The following GRIA2 variants were observed in gnomAD, a reference collection of about 807,000 sequenced individuals.
GRIA2 encodes the protein glutamate receptor 2.
Under a neutral mutation model 97.3 loss-of-function variants are expected in GRIA2, and 14 were observed. That is an observed-to-expected ratio of 0.14 (90% confidence interval 0.10 to 0.23). The LOEUF is 0.23. Ranked by LOEUF, GRIA2 falls within the 10% of genes least tolerant of loss-of-function variation. The pLI, the probability that GRIA2 is intolerant of heterozygous loss-of-function variation, is 1.00. For synonymous variants in GRIA2, 412 were observed against 387.8 expected, an observed-to-expected ratio of 1.06 and a Z score of -0.73; for missense variants, 558 against 1,069.8, an observed-to-expected ratio of 0.52 and a Z score of 6.67.
chr4:157,222,126 A>G (rs931734992), intron 2 of GRIA2, among the ~76,000 whole-genome samples: 2 of 152,002 alleles, frequency 1.3e-5, no homozygotes, highest in African/African-American at 4.8e-5. Context: ...TGAGTGCTTC[A>G]GGAGAAGCCC....
At chr4:157,342,131 T>G (rs1735576793) in intron 12 of GRIA2, 11 of 971,348 alleles carry the variant, frequency 1.1e-5, no homozygotes, top group Non-Finnish European at 1.3e-5. Context: ...AACAACTCTT[T>G]CTATGAAAAT....
chr4:157,257,047 G>A lies in GRIA2; in HGVS notation c.229+35240G>A, dbSNP rs568982890. ...CTTATCATTCTAGCCTGAGTAGGAA[G>A]CATTAAAAAGCTAATCAAAGTTGGA... On this transcript the variant is annotated intron_variant, in intron 2 of 15. Coordinates refer to ENST00000264426, the MANE Select transcript of GRIA2 (RefSeq NM_001083619.3). Among the ~76,000 whole-genome samples the A allele has an allele frequency of 4.6e-5, 7 of 152,156 alleles. No homozygotes were observed. In the South Asian group the frequency reaches 1.4e-3, roughly 31 times the overall value.
At chr4:157,262,443 G>A (rs1305575815) in intron 2 of GRIA2, among the ~76,000 whole-genome samples, 1 of 151,770 alleles carries the variant, frequency 6.6e-6, no homozygotes, top group African/African-American at 2.4e-5. Context: ...TCTTAATAAC[G>A]AAAAATCAGG....
Position 157,220,831 on chromosome 4 carries a change from G to GAGC in GRIA2, c.-211_-209dup, listed in dbSNP as rs1729458453. ...ATTCAGCCAGTCCTCCGGACTTCTG[G>GAGC]AGCGGGGACAGGGCGCAGGGCATCA... On this transcript the variant is annotated 5_prime_UTR_variant, in exon 1 of 16. Coordinates refer to ENST00000264426, the MANE Select transcript of GRIA2 (RefSeq NM_001083619.3). 1 of 576,146 alleles carries GAGC rather than the reference G, an allele frequency of 1.7e-6. No individual in the cohort carries two copies. Among genetic ancestry groups the GAGC allele is most frequent in the Non-Finnish European group, 3.1e-6 (1 of 323,810 alleles). 35.7% of individuals were successfully genotyped at this position (576,146 alleles called of 1,614,324 possible).
intron 3 of GRIA2, among the ~76,000 whole-genome samples, chr4:157,306,520 A>G (rs1446259213): frequency 1.3e-5 from 2 of 152,228 alleles, no homozygotes; most frequent in African/African-American, 2.4e-5. Context: ...GTAATAATAT[A>G]TTAAAGCCAA....
At chr4:157,330,429 T>C (rs1378059920) in intron 6 of GRIA2, among the ~76,000 whole-genome samples, 1 of 151,940 alleles carries the variant, frequency 6.6e-6, no homozygotes, top group Non-Finnish European at 1.5e-5. Context: ...ATGTAGATAC[T>C]ATGTTTAGAA....
chr4:157,249,638 A>G (rs1730935637), intron 2 of GRIA2: 2 of 152,152 alleles, frequency 1.3e-5, no homozygotes, highest in Non-Finnish European at 2.9e-5. Context: ...TACTCACTGA[A>G]TGATAGTAGT....
rs145465740 is a variant in GRIA2 at position 157,284,272 on chromosome 4, G to A, written c.230-19280G>A. Among the ~76,000 whole-genome samples the A allele has an allele frequency of 6.1e-4, 93 of 151,686 alleles. 1 individual carries two copies. The highest frequency in any genetic ancestry group is 2.1e-3 in the African/African-American group (88 of 41,448). On this transcript the variant is annotated intron_variant, in intron 2 of 15. Coordinates refer to ENST00000264426, the MANE Select transcript of GRIA2 (RefSeq NM_001083619.3). ...AACACAGCTTGGTTGTTACTTTATT[G>A]AGAACTTAAAAAAAAAGCTAATTAG...
intron 2 of GRIA2, among the ~76,000 whole-genome samples, chr4:157,269,392 A>G (rs1731915847): frequency 6.6e-6 from 1 of 152,114 alleles, no homozygotes; most frequent in South Asian, 2.1e-4. Flanking sequence ...AGAAATAATC[A>G]TTTAATTTGA....
At chr4:157,234,549 T>C (rs1730160188) in intron 2 of GRIA2, among the ~76,000 whole-genome samples, 1 of 152,148 alleles carries the variant, frequency 6.6e-6, no homozygotes, top group Admixed American at 6.6e-5. Context: ...TAACATTTAG[T>C]GTGAATATCT....
chr4:157,316,738 A>G (rs1415253607), intron 4 of GRIA2, among the ~76,000 whole-genome samples: 1 of 152,180 alleles, frequency 6.6e-6, no homozygotes, highest in Non-Finnish European at 1.5e-5. Context: ...CACCAAAACC[A>G]TTTAATCAGA....
intron 2 of GRIA2, among the ~76,000 whole-genome samples, chr4:157,256,740 A>G (rs1731294912): frequency 1.3e-5 from 2 of 151,972 alleles, no homozygotes; most frequent in Non-Finnish European, 2.9e-5. Flanking sequence ...AACTAGGGAA[A>G]TTACAAAAAC....
chr4:157,270,189 G>A (rs1484852429), intron 2 of GRIA2, among the ~76,000 whole-genome samples: 1 of 152,126 alleles, frequency 6.6e-6, no homozygotes, highest in African/African-American at 2.4e-5. Context: ...TTATGTGGCA[G>A]AGGAGACTTC....
intron 2 of GRIA2, among the ~76,000 whole-genome samples, chr4:157,231,216 T>A (rs1333246350): frequency 6.6e-6 from 1 of 152,058 alleles, no homozygotes; most frequent in African/African-American, 2.4e-5. Context: ...TTTTTTGTAT[T>A]TTAGTAGAGA....
chr4:157,277,892 A>ATATATGTATATATATGTATATATG (rs1405290888), intron 2 of GRIA2, among the ~76,000 whole-genome samples: 17 of 73,022 alleles, frequency 2.3e-4, no homozygotes, highest in Non-Finnish European at 3.8e-4. Flanking sequence ...GTATATATGT[A>ATATATGTATATATATGTATATATG]TATATATATG....
At chr4:157,276,560 AAATC>A (rs1348663294) in intron 2 of GRIA2, among the ~76,000 whole-genome samples, 1 of 151,954 alleles carries the variant, frequency 6.6e-6, no homozygotes, top group Non-Finnish European at 1.5e-5. Flanking sequence ...TGAAAACAGA[AAATC>A]AAGAGTGAGA....
intron 6 of GRIA2, among the ~76,000 whole-genome samples, chr4:157,327,990 A>G (rs756551609): frequency 6.6e-6 from 1 of 152,088 alleles, no homozygotes; most frequent in Non-Finnish European, 1.5e-5. Context: ...CTAATATTAC[A>G]GCATTTTGCC....
rs768259751 is a variant in GRIA2 at position 157,317,681 on chromosome 4, T to C, written c.690T>C (p.Val230=). ...VDQVITIGKH[V]KGYHYIIANL... ...AGGTTATTACCATTGGAAAACATGT[T>C]AAAGGGTACCACTACATCATTGCAA... The change falls in exon 5 of 16, where the codon GTT becomes GTC. Residue 230 remains valine, a synonymous_variant. Coordinates refer to ENST00000264426, the MANE Select transcript of GRIA2 (RefSeq NM_001083619.3). The C allele has an allele frequency of 8.2e-7, 1 of 1,222,856 alleles. No individual in the cohort carries two copies. The highest frequency in any genetic ancestry group is 1.2e-6 in the Non-Finnish European group (1 of 831,040). The allele number at this position is 1,222,856 out of a possible 1,614,324, so 75.8% of individuals were successfully genotyped here. A position where few individuals can be genotyped will look rare whatever the true frequency, so the allele number is the denominator to read the frequency against.
chr4:157,351,227 C>T (rs1735998024), intron 12 of GRIA2, among the ~76,000 whole-genome samples: 1 of 151,958 alleles, frequency 6.6e-6, no homozygotes, highest in Admixed American at 6.6e-5. Flanking sequence ...CTACCTAAAG[C>T]ACAAAAATAT....
Sources: allele counts gnomAD v4.1 joint callset (sites outside exome capture counted in the v4.1 genomes callset), GRCh38; gene constraint gnomAD v4.1.1; transcripts MANE v1.5; gene names NCBI Gene and HGNC (gene_info 2026-07-23, HGNC 2026-07-21).